CNTNAP2: variants seen among roughly 807,000 people sequenced by gnomAD.
CNTNAP2 encodes contactin-associated protein-like 2.
Under a neutral mutation model 155.2 loss-of-function variants are expected in CNTNAP2, and 98 were observed. That is an observed-to-expected ratio of 0.63 (90% CI 0.54 to 0.75). The LOEUF is 0.75. Among genes scored for constraint, CNTNAP2 ranks in the 30% least tolerant of loss-of-function variants. CNTNAP2 has a pLI of 0.00. For synonymous variants in CNTNAP2, 651 were observed against 631.2 expected, an observed-to-expected ratio of 1.03 and a Z score of -0.47; for missense variants, 1,727 against 1,688.1, an observed-to-expected ratio of 1.02 and a Z score of -0.40.
chr7:146,639,974 G>A (rs1431211172), intron 1 of CNTNAP2, among the ~76,000 whole-genome samples: 8 of 152,282 alleles, frequency 5.3e-5, no homozygotes. Context: ...CTTCACCATT[G>A]AGGATGTGCA....
At position 147,174,851 on chromosome 7, in the gene CNTNAP2, G is replaced by T. The variant is rs796838805; in HGVS notation, c.1348+42342G>T. Among the ~76,000 whole-genome samples the T allele has an allele frequency of 5.3e-5, 8 of 152,028 alleles. 1 individual carries two copies. Among genetic ancestry groups the T allele is most frequent in the African/African-American group, 1.9e-4 (8 of 41,372 alleles). ...TAAACCTTTGGAGTACTCCTTTGTC[G>T]CACTGGGAACATGGTAAAATATATA... On this transcript the variant is annotated intron_variant, in intron 8 of 23. Coordinates refer to ENST00000361727, the MANE Select transcript of CNTNAP2 (RefSeq NM_014141.6).
Position 148,415,730 on chromosome 7 carries a change from T to C in CNTNAP2, c.*114T>C. On this transcript the variant is annotated 3_prime_UTR_variant, in exon 24 of 24. Transcript: ENST00000361727. Reference sequence around the variant, plus strand: ...CACATCCTTAAAATATCAGCACAAGTTGGGGGAGGCAGGCAATGGAATATA... The same window carrying C: ...CACATCCTTAAAATATCAGCACAAGCTGGGGGAGGCAGGCAATGGAATATA... The C allele has an allele frequency of 8.3e-7, 1 of 1,197,814 alleles. No individual in the cohort carries two copies. Among genetic ancestry groups the C allele is most frequent in the Non-Finnish European group, 1.2e-6 (1 of 824,728 alleles). 74.2% of individuals were successfully genotyped at this position (1,197,814 alleles called of 1,614,324 possible).
chr7:146,829,957 A>G (rs57437462), intron 2 of CNTNAP2, among the ~76,000 whole-genome samples: 10,477 of 151,922 alleles, frequency 0.069, 1,099 homozygotes, highest in African/African-American at 0.23. Context: ...TCTTTTACCC[A>G]TTTTTTATTA....
At chr7:146,746,348 A>C (rs921728990) in intron 1 of CNTNAP2, among the ~76,000 whole-genome samples, 1 of 152,176 alleles carries the variant, frequency 6.6e-6, no homozygotes, top group South Asian at 2.1e-4. Flanking sequence ...TTAAAGCATG[A>C]TTTATATATT....
intron 1 of CNTNAP2, among the ~76,000 whole-genome samples, chr7:146,739,735 G>T (rs1222209355): frequency 6.6e-6 from 1 of 151,826 alleles, no homozygotes; most frequent in Admixed American, 6.6e-5. Context: ...TGCTGTAAAT[G>T]GGTTGTAAAT....
intron 14 of CNTNAP2, among the ~76,000 whole-genome samples, chr7:147,907,206 A>G (rs1010455260): frequency 1.3e-5 from 2 of 151,776 alleles, no homozygotes; most frequent in African/African-American, 4.8e-5. Context: ...ACAGGCGCCC[A>G]CCACCACGCC....
intron 21 of CNTNAP2, among the ~76,000 whole-genome samples, chr7:148,343,544 A>G (rs1326371614): frequency 2.0e-5 from 3 of 152,166 alleles, no homozygotes; most frequent in Admixed American, 6.5e-5. Flanking sequence ...GCAGAAATGT[A>G]TTTCCCAAGA....
intron 1 of CNTNAP2, among the ~76,000 whole-genome samples, chr7:146,206,820 T>A (rs568395116): frequency 1.3e-5 from 2 of 152,036 alleles, no homozygotes; most frequent in South Asian, 4.1e-4. Flanking sequence ...TGCTGTATGG[T>A]AATGGCATGA....
intron 3 of CNTNAP2, among the ~76,000 whole-genome samples, chr7:146,919,691 G>C (rs1796460315): frequency 6.6e-6 from 1 of 152,170 alleles, no homozygotes; most frequent in Non-Finnish European, 1.5e-5. Flanking sequence ...GCACGTTCAA[G>C]AGCACATCAG....
chr7:147,761,378 T>G (rs1296219359), intron 13 of CNTNAP2, among the ~76,000 whole-genome samples: 1 of 152,202 alleles, frequency 6.6e-6, no homozygotes, highest in Admixed American at 6.5e-5. Context: ...TCCAAGCACA[T>G]GCCTGTGCTT....
intron 1 of CNTNAP2, among the ~76,000 whole-genome samples, chr7:146,691,157 A>G (rs1219287509): frequency 6.6e-6 from 1 of 152,112 alleles, no homozygotes; most frequent in East Asian, 1.9e-4. Context: ...TTTTCTTAAT[A>G]TTTCCATTGG....
At chr7:147,438,719 C>T (rs559459535) in intron 10 of CNTNAP2, among the ~76,000 whole-genome samples, 26 of 151,822 alleles carry the variant, frequency 1.7e-4, no homozygotes, top group Non-Finnish European at 2.1e-4. Context: ...CATCAAGTCC[C>T]GGGCTTTTTT....
chr7:147,617,572 C>T (rs192442276), intron 12 of CNTNAP2, among the ~76,000 whole-genome samples: 4 of 152,162 alleles, frequency 2.6e-5, no homozygotes, highest in African/African-American at 7.2e-5. Context: ...AAAATGAGTG[C>T]CGTGCTGTGA....
At chr7:148,098,669 T>C (rs1804024193) in intron 15 of CNTNAP2, among the ~76,000 whole-genome samples, 1 of 151,748 alleles carries the variant, frequency 6.6e-6, no homozygotes, top group South Asian at 2.1e-4. Flanking sequence ...ACCCCATCTC[T>C]TTAAAAAAAT....
intron 4 of CNTNAP2, among the ~76,000 whole-genome samples, chr7:147,063,970 G>A (rs538475214): frequency 1.3e-5 from 2 of 152,218 alleles, no homozygotes; most frequent in South Asian, 4.1e-4. Flanking sequence ...AGCAGCTTTC[G>A]AGAAAGATAA....
chr7:147,608,217 A>G (rs983921408), intron 12 of CNTNAP2, among the ~76,000 whole-genome samples: 91 of 152,112 alleles, frequency 6.0e-4, no homozygotes, highest in African/African-American at 2.1e-3. Flanking sequence ...TCAGAAAAAA[A>G]AAAAAACACA....
intron 20 of CNTNAP2, among the ~76,000 whole-genome samples, chr7:148,245,092 T>A (rs1048034265): frequency 2.0e-5 from 3 of 152,230 alleles, no homozygotes; most frequent in Non-Finnish European, 2.9e-5. Context: ...TGATTGAGAA[T>A]ACTTTTAGAG....
intron 11 of CNTNAP2, among the ~76,000 whole-genome samples, chr7:147,537,466 A>T (rs1799563738): frequency 6.6e-6 from 1 of 152,150 alleles, no homozygotes; most frequent in Non-Finnish European, 1.5e-5. Context: ...AAAGTAAAGT[A>T]CCTATTCTCA....
At chr7:148,380,083 G>A (rs73154573) in intron 21 of CNTNAP2, among the ~76,000 whole-genome samples, 4 of 152,096 alleles carry the variant, frequency 2.6e-5, no homozygotes, top group East Asian at 1.9e-4. Context: ...AGACATTAAC[G>A]TACTGATTGC....
Sources: gnomAD v4.1 joint callset for allele counts (sites outside exome capture counted in the v4.1 genomes callset) on GRCh38, gnomAD v4.1.1 for gene constraint, MANE v1.5 for transcripts, NCBI Gene and HGNC (gene_info 2026-07-23, HGNC 2026-07-21) for gene names.